CPNE5: variants seen among roughly 807,000 people sequenced by gnomAD.
CPNE5 encodes copine-5.
CPNE5 carries 42 observed loss-of-function variants against 81.1 expected under a neutral mutation model. That is an observed-to-expected ratio of 0.52 (90% CI 0.40 to 0.67). The LOEUF is 0.67. Among genes scored for constraint, CPNE5 ranks in the 30% least tolerant of loss-of-function variants. The pLI, the probability that CPNE5 is intolerant of heterozygous loss-of-function variation, is 0.00. For missense variants in CPNE5, 612 were observed against 815.5 expected (o/e 0.75, Z 3.04); for synonymous variants, 313 against 321.5 (o/e 0.97, Z 0.28).
chr6:36,805,610 GCT>G (rs1454390849), intron 3 of CPNE5, among the ~76,000 whole-genome samples: 2 of 152,192 alleles, frequency 1.3e-5, no homozygotes, highest in African/African-American at 4.8e-5. Flanking sequence ...TGGGCAGGAG[GCT>G]GAGTGACAGG....
At chr6:36,831,668 T>C (rs562932194) in intron 1 of CPNE5, among the ~76,000 whole-genome samples, 1 of 136,162 alleles carries the variant, frequency 7.3e-6, no homozygotes, top group East Asian at 2.3e-4. Context: ...GGCCTCTCAA[T>C]AGCAAATGAA....
rs556938072 is a variant in CPNE5, at chr6:36,796,377, G to A, written c.405-1728C>T. On this transcript the variant is annotated intron_variant, in intron 6 of 20. Coordinates refer to ENST00000244751, the MANE Select transcript of CPNE5 (RefSeq NM_020939.2). ...CTGTCACCAACGGTGGACCAGGTGA[G>A]ATCAGGAAGGAAACAGACCCAAATG... Among the ~76,000 whole-genome samples, 4 of 152,350 alleles carry A rather than the reference G, an allele frequency of 2.6e-5. No individual in the cohort carries two copies. The South Asian group carries it at 6.2e-4, about 24-fold the overall frequency.
intron 1 of CPNE5, among the ~76,000 whole-genome samples, chr6:36,838,973 C>T (rs969832727): frequency 6.6e-6 from 1 of 152,300 alleles, no homozygotes; most frequent in African/African-American, 2.4e-5. Context: ...GACCGTAGTA[C>T]AGCCTTTTAC....
chr6:36,743,881 T>C, intron 19 of CPNE5, 119 bp from the exon 20 acceptor site: 1 of 868,650 alleles, frequency 1.2e-6, no homozygotes, highest in Non-Finnish European at 1.9e-6. Context: ...CACTGGCCCA[T>C]GCCCCGTGTT....
intron 1 of CPNE5, among the ~76,000 whole-genome samples, chr6:36,828,625 G>T (rs1362217184): frequency 2.0e-5 from 3 of 152,210 alleles, no homozygotes; most frequent in African/African-American, 7.2e-5. Flanking sequence ...GCCCCCAATA[G>T]GCAAAGTATG....
chr6:36,760,388 G>A (rs1765907307), intron 12 of CPNE5, among the ~76,000 whole-genome samples: 1 of 152,166 alleles, frequency 6.6e-6, no homozygotes, highest in African/African-American at 2.4e-5. Context: ...GGCTAAGGAG[G>A]TGGGTGGAAT....
intron 1 of CPNE5, among the ~76,000 whole-genome samples, chr6:36,824,687 C>T (rs966397286): frequency 2.0e-5 from 3 of 152,230 alleles, no homozygotes; most frequent in Non-Finnish European, 4.4e-5. Context: ...CTGCTCATGC[C>T]TGTATTCCCA....
rs1048938160 is a variant in CPNE5, at chr6:36,837,963, C to T, written c.95+1320G>A. Among the ~76,000 whole-genome samples, 5 of 151,964 alleles carry T rather than the reference C, an allele frequency of 3.3e-5. No homozygotes were observed. In the East Asian group the frequency reaches 7.7e-4, roughly 23 times the overall value. ...CAGAGTAATGACAAGATGCAAATGG[C>T]GTTGGGAGATGATCCTGACGGCATG... On this transcript the variant is annotated intron_variant, in intron 1 of 20. Coordinates refer to ENST00000244751, the MANE Select transcript of CPNE5 (RefSeq NM_020939.2).
At chr6:36,804,565 C>T (rs991735118) in intron 3 of CPNE5, among the ~76,000 whole-genome samples, 12 of 152,266 alleles carry the variant, frequency 7.9e-5, no homozygotes, top group South Asian at 4.1e-4. Context: ...CACTTGCCCT[C>T]CTCCTTCAAC....
intron 10 of CPNE5, among the ~76,000 whole-genome samples, chr6:36,769,147 C>T (rs1413720677): frequency 6.6e-6 from 1 of 152,206 alleles, no homozygotes; most frequent in Non-Finnish European, 1.5e-5. Context: ...GCTTCTAGAA[C>T]AGTGCCTAGC....
At position 36,766,189 on chromosome 6, in the gene CPNE5, G is replaced by C. The variant is rs1302410035; in HGVS notation, c.738-813C>G. On this transcript the variant is annotated intron_variant, in intron 10 of 20. Coordinates refer to ENST00000244751, the MANE Select transcript of CPNE5 (RefSeq NM_020939.2). This position sits in a 1 kb window ranked among gnomAD's most constrained non-coding sequence, Gnocchi z 4.2. ...TGGGGAGGTGGGAAGGGCCTGGGGA[G>C]CTGGGGTCTTCAGCCTTCAGTTCTT... Among the ~76,000 whole-genome samples the C allele has an allele frequency of 1.3e-5, 2 of 152,128 alleles. No homozygotes were observed. The highest frequency in any genetic ancestry group is 4.8e-5 in the African/African-American group (2 of 41,438).
At chr6:36,765,314 C>G in intron 11 of CPNE5, 21 bp downstream of exon 11, 1 of 1,613,808 alleles carries the variant, frequency 6.2e-7, no homozygotes, top group African/African-American at 1.3e-5. Flanking sequence ...CCTTCTCGCC[C>G]CTGCCCTCCT....
At chr6:36,788,034 C>CTT (rs761359601) in intron 8 of CPNE5, among the ~76,000 whole-genome samples, 1,592 of 138,200 alleles carry the variant, frequency 0.012, 37 homozygotes, top group African/African-American at 0.041. Context: ...CCTACCTTTT[C>CTT]TTTTTTTTTT....
In CPNE5 at chr6:36,834,762, C is replaced by T. The variant is rs558635819; in HGVS notation, c.95+4521G>A. 5.9e-5 allele frequency among the ~76,000 whole-genome samples: 9 copies of T among 152,180 alleles called. No individual in the cohort carries two copies. In the East Asian group the frequency reaches 1.7e-3, roughly 29 times the overall value. ...CTCAGTAAATGCCACTGTTATTATT[C>T]CCCTAGCTCCACTGACCTGAGTACC... is the stretch of plus-strand genomic sequence containing the variant. On this transcript the variant is annotated intron_variant, in intron 1 of 20. Transcript: ENST00000244751.
At chr6:36,783,025 T>C (rs1441312465) in intron 8 of CPNE5, among the ~76,000 whole-genome samples, 1 of 152,092 alleles carries the variant, frequency 6.6e-6, no homozygotes, top group African/African-American at 2.4e-5. Context: ...CGAAAGGAGA[T>C]GGCCTGTGTC....
At chr6:36,745,564 G>T in intron 16 of CPNE5, 49 bp from the exon 17 acceptor site, 1 of 1,554,834 alleles carries the variant, frequency 6.4e-7, no homozygotes, top group Non-Finnish European at 8.7e-7. Context: ...AAGGACAGGG[G>T]TGCACGATGT....
intron 1 of CPNE5, among the ~76,000 whole-genome samples, chr6:36,825,328 T>A (rs1772409029): frequency 6.6e-6 from 1 of 152,074 alleles, no homozygotes; most frequent in African/African-American, 2.4e-5. Flanking sequence ...CCAGCTCCAG[T>A]CCCTGAGCAG....
chr6:36,778,722 A>G, intron 9 of CPNE5, 132 bp downstream of exon 9: 1 of 667,732 alleles, frequency 1.5e-6, no homozygotes. Context: ...TTCCACCCAG[A>G]GCCCTTGCCC....
chr6:36,794,206 G>A (rs1400960140), intron 7 of CPNE5, among the ~76,000 whole-genome samples: 1 of 151,464 alleles, frequency 6.6e-6, no homozygotes, highest in Non-Finnish European at 1.5e-5. Context: ...GGAGGAAAGA[G>A]GGGGAGAGAA....
Sources: gnomAD v4.1 joint callset for allele counts (sites outside exome capture counted in the v4.1 genomes callset) on GRCh38, gnomAD v4.1.1 for gene constraint, Gnocchi (gnomAD v3.1) non-coding constraint, MANE v1.5 for transcripts, NCBI Gene and HGNC (gene_info 2026-07-23, HGNC 2026-07-21) for gene names.